The following EDIL3 variants were observed in gnomAD, a reference collection of about 807,000 sequenced individuals.
The protein encoded by EDIL3 is EGF-like repeat and discoidin I-like domain-containing protein 3.
A neutral mutation model predicts 67.4 loss-of-function variants in EDIL3; 37 were observed. The observed-to-expected ratio is 0.55, with a 90% CI of 0.42 to 0.72. The LOEUF (loss-of-function observed/expected upper bound fraction) is 0.72. Ranked by LOEUF, EDIL3 falls within the 30% of genes least tolerant of loss-of-function variation. The pLI is 0.00. For missense variants in EDIL3, 527 were observed against 586.3 expected (o/e 0.90, Z 1.04); for synonymous variants, 195 against 196.3 (o/e 0.99, Z 0.05).
intron 4 of EDIL3, among the ~76,000 whole-genome samples, chr5:84,168,232 G>C (rs1402396674): frequency 2.0e-5 from 3 of 151,952 alleles, no homozygotes; most frequent in Non-Finnish European, 4.4e-5. Flanking sequence ...AATCATTGTT[G>C]TATTTTAGCA....
intron 10 of EDIL3, among the ~76,000 whole-genome samples, chr5:83,948,233 T>C (rs1271661041): frequency 2.6e-5 from 4 of 151,752 alleles, no homozygotes; most frequent in Non-Finnish European, 4.4e-5. Context: ...CATTTATATA[T>C]TATATAAGTA....
chr5:84,118,568 T>G (rs1747715770), intron 5 of EDIL3, among the ~76,000 whole-genome samples: 2 of 152,110 alleles, frequency 1.3e-5, no homozygotes, highest in Non-Finnish European at 2.9e-5. Context: ...GGAATTTTGG[T>G]TAAGGATATG....
At chr5:83,988,287 A>T (rs1745091006) in intron 9 of EDIL3, among the ~76,000 whole-genome samples, 1 of 152,172 alleles carries the variant, frequency 6.6e-6, no homozygotes, top group Admixed American at 6.5e-5. Context: ...ATAAAAGAAA[A>T]CTAATCATAC....
At chr5:84,171,038 G>C (rs1476160964) in intron 4 of EDIL3, among the ~76,000 whole-genome samples, 1 of 151,970 alleles carries the variant, frequency 6.6e-6, no homozygotes, top group Non-Finnish European at 1.5e-5. Flanking sequence ...CAGGTGACCT[G>C]TCTGCCTCAG....
chr5:84,334,350 C>A (rs565902700), intron 1 of EDIL3, among the ~76,000 whole-genome samples: 1 of 152,226 alleles, frequency 6.6e-6, no homozygotes, highest in East Asian at 1.9e-4. Flanking sequence ...AGGCATGAGC[C>A]ACCGCGCCTG....
At chr5:84,366,431 A>G (rs965919997) in intron 1 of EDIL3, among the ~76,000 whole-genome samples, 4 of 152,178 alleles carry the variant, frequency 2.6e-5, no homozygotes, top group Non-Finnish European at 5.9e-5. Flanking sequence ...TGAAGCAGAA[A>G]ATGTGACTCT....
At chr5:84,173,999 G>T (rs1748857552) in intron 4 of EDIL3, among the ~76,000 whole-genome samples, 1 of 152,192 alleles carries the variant, frequency 6.6e-6, no homozygotes, top group Non-Finnish European at 1.5e-5. Flanking sequence ...GTTGTGAGGG[G>T]GTGGTGGTGC....
At chr5:84,169,750 C>T (rs1748778838) in intron 4 of EDIL3, among the ~76,000 whole-genome samples, 1 of 151,334 alleles carries the variant, frequency 6.6e-6, no homozygotes. Flanking sequence ...AGTAGCAATT[C>T]CATGGTATGT....
chr5:84,205,254 A>C (rs1743945179), intron 3 of EDIL3, among the ~76,000 whole-genome samples: 1 of 152,088 alleles, frequency 6.6e-6, no homozygotes, highest in Admixed American at 6.6e-5. Flanking sequence ...ATATATATAT[A>C]CCTATATGTT....
chr5:84,076,123 AAG>A (rs1397113577), intron 6 of EDIL3, among the ~76,000 whole-genome samples: 6 of 151,890 alleles, frequency 4.0e-5, no homozygotes, highest in Admixed American at 2.0e-4. Context: ...TTTACTAAGA[AAG>A]AGTTATTTTA....
intron 1 of EDIL3, among the ~76,000 whole-genome samples, chr5:84,339,804 T>C (rs1264421265): frequency 6.6e-6 from 1 of 151,950 alleles, no homozygotes; most frequent in Admixed American, 6.6e-5. Context: ...AGTCTAAGAA[T>C]TCAGAAAAGA....
intron 1 of EDIL3, among the ~76,000 whole-genome samples, chr5:84,312,198 C>G (rs1239573842): frequency 6.8e-6 from 1 of 147,826 alleles, no homozygotes; most frequent in Non-Finnish European, 1.5e-5. Flanking sequence ...CTGACCCCCC[C>G]ACCTCCCTCC....
chr5:84,111,816 G>C (rs1747569823), intron 5 of EDIL3, among the ~76,000 whole-genome samples: 1 of 152,078 alleles, frequency 6.6e-6, no homozygotes, highest in African/African-American at 2.4e-5. Flanking sequence ...AGTGTAATGG[G>C]GAGACACAGA....
intron 6 of EDIL3, among the ~76,000 whole-genome samples, chr5:84,072,206 A>C (rs2112246962): frequency 6.6e-6 from 1 of 152,270 alleles, no homozygotes; most frequent in South Asian, 2.1e-4. Context: ...ATGGGGATTA[A>C]ACTTTTACAA....
At chr5:84,209,233 G>T (rs555944712) in intron 3 of EDIL3, among the ~76,000 whole-genome samples, 1 of 151,508 alleles carries the variant, frequency 6.6e-6, no homozygotes, top group Non-Finnish European at 1.5e-5. Context: ...TGTGGGGTGG[G>T]GGGAGAGGGG....
At chr5:84,163,815 A>G (rs1036846096) in intron 4 of EDIL3, among the ~76,000 whole-genome samples, 3 of 152,156 alleles carry the variant, frequency 2.0e-5, no homozygotes, top group African/African-American at 7.2e-5. Flanking sequence ...ATGATTATCC[A>G]TACTAGAAAA....
At chr5:84,137,215 AC>A in intron 5 of EDIL3, 25 bp downstream of exon 5, 5 of 1,545,696 alleles carry the variant, frequency 3.2e-6, no homozygotes, top group Non-Finnish European at 4.5e-6. Context: ...ACACACACAC[AC>A]ACATACACAC....
At chr5:84,019,023 G>C (rs1191997652) in intron 9 of EDIL3, among the ~76,000 whole-genome samples, 2 of 152,166 alleles carry the variant, frequency 1.3e-5, no homozygotes, top group Non-Finnish European at 2.9e-5. Context: ...AATACCATTT[G>C]ACCCAGCCAT....
At chr5:84,285,268 T>C (rs2112111915) in intron 1 of EDIL3, among the ~76,000 whole-genome samples, 1 of 152,334 alleles carries the variant, frequency 6.6e-6, no homozygotes, top group South Asian at 2.1e-4. Context: ...GTAAAGTACA[T>C]TTAAATTTTC....
Sources: allele counts gnomAD v4.1 joint callset (sites outside exome capture counted in the v4.1 genomes callset), GRCh38; gene constraint gnomAD v4.1.1; transcripts MANE v1.5; gene names NCBI Gene and HGNC (gene_info 2026-07-23, HGNC 2026-07-21).